GGA2: variants seen among roughly 807,000 people sequenced by gnomAD.
The protein encoded by GGA2 is ADP-ribosylation factor-binding protein GGA2.
Under a neutral mutation model 79.5 loss-of-function variants are expected in GGA2, and 48 were observed. That is an observed-to-expected ratio of 0.60 (90% CI 0.48 to 0.77). GGA2 has a LOEUF of 0.77. Ranked by LOEUF, GGA2 falls within the 30% of genes least tolerant of loss-of-function variation. GGA2 has a pLI of 0.00. For missense variants in GGA2, 770 were observed against 774.0 expected (o/e 0.99, Z 0.06); for synonymous variants, 317 against 302.0 (o/e 1.05, Z -0.51).
chr16:23,515,681 A>T lies in GGA2; in HGVS notation c.61+3906T>A, dbSNP rs76554326. 4.5e-3 allele frequency among the ~76,000 whole-genome samples: 686 copies of T among 152,158 alleles called. 6 individuals carry two copies. The highest frequency in any genetic ancestry group is 0.016 in the African/African-American group (669 of 41,488). On this transcript the variant is annotated intron_variant, in intron 2 of 5. Transcript: ENST00000569300. Reference sequence around the variant, plus strand: ...AACACACAGCTTAAGCTGAAATACCAATCTTCTGTCCTTGGTACTCCTGGA... The same window carrying T: ...AACACACAGCTTAAGCTGAAATACCTATCTTCTGTCCTTGGTACTCCTGGA...
intron 8 of GGA2, among the ~76,000 whole-genome samples, chr16:23,483,889 C>T (rs574034084): frequency 7.3e-5 from 11 of 151,020 alleles, no homozygotes; most frequent in South Asian, 6.3e-4. Flanking sequence ...TCAGGTCATC[C>T]GCCTGCCTCG....
intron 1 of GGA2, among the ~76,000 whole-genome samples, chr16:23,496,127 C>T (rs893715593): frequency 6.6e-6 from 1 of 151,508 alleles, no homozygotes; most frequent in African/African-American, 2.4e-5. Flanking sequence ...ATGATGAAAC[C>T]CCATCTCTAC....
chr16:23,490,814 A>G (rs1964773405), intron 5 of GGA2, among the ~76,000 whole-genome samples: 1 of 152,104 alleles, frequency 6.6e-6, no homozygotes. Flanking sequence ...ACTATAAAAT[A>G]TTTTATGTCT....
chr16:23,503,459 T>C (rs1596994925), intron 1 of GGA2, among the ~76,000 whole-genome samples: 1 of 152,178 alleles, frequency 6.6e-6, no homozygotes, highest in Non-Finnish European at 1.5e-5. Context: ...CTTAAATGTT[T>C]CCAAAATTAA....
rs771354194 is a variant in GGA2, at chr16:23,486,736, G to A, written c.634C>T (p.Arg212Trp). Residue 212 changes from arginine to tryptophan, a missense_variant, in exon 7 of 17, where the codon CGG becomes TGG. Coordinates refer to ENST00000309859, the MANE Select transcript of GGA2 (RefSeq NM_015044.4). ...NHPEDLQAAN[R>W]LIKNLVKEEQ... Reference sequence around the variant, plus strand: ...TCCTTGACCAAATTCTTGATTAACCGGTTTGCAGCCTGAAGGTCCTCGGGG... The same window carrying A: ...TCCTTGACCAAATTCTTGATTAACCAGTTTGCAGCCTGAAGGTCCTCGGGG... 18 of 1,610,060 alleles carry A rather than the reference G, an allele frequency of 1.1e-5. No individual in the cohort carries two copies. The highest frequency in any genetic ancestry group is 1.0e-4 in the Admixed American group (6 of 60,006).
At chr16:23,494,030 C>G (rs1250666776) in intron 3 of GGA2, 25 of 478,172 alleles carry the variant, frequency 5.2e-5, no homozygotes, top group Non-Finnish European at 8.7e-5. Flanking sequence ...CATGAACTTG[C>G]CAGCCCTGGT....
At chr16:23,476,275 T>C (rs781039681) in intron 13 of GGA2, among the ~76,000 whole-genome samples, 1 of 152,150 alleles carries the variant, frequency 6.6e-6, no homozygotes, top group Non-Finnish European at 1.5e-5. Context: ...GGGTGGCAAA[T>C]GGGAATGAAC....
At chr16:23,499,508 C>T (rs1181595724) in intron 1 of GGA2, among the ~76,000 whole-genome samples, 1 of 152,162 alleles carries the variant, frequency 6.6e-6, no homozygotes, top group Non-Finnish European at 1.5e-5. Context: ...AAACCCTTAA[C>T]CAAGGCCAAG....
intron 1 of GGA2, among the ~76,000 whole-genome samples, chr16:23,499,152 T>TA (rs1454942740): frequency 1.3e-5 from 2 of 150,918 alleles, no homozygotes; most frequent in Admixed American, 6.6e-5. Context: ...CACCTTTTTT[T>TA]TTTTTTTTTT....
At chr16:23,489,141 T>A (rs1964751543) in intron 5 of GGA2, among the ~76,000 whole-genome samples, 1 of 152,134 alleles carries the variant, frequency 6.6e-6, no homozygotes, top group South Asian at 2.1e-4. Context: ...TAAAAAGGAA[T>A]TCAGATTCCC....
intron 1 of GGA2, among the ~76,000 whole-genome samples, chr16:23,506,660 G>T (rs750685593): frequency 2.0e-5 from 3 of 152,122 alleles, no homozygotes; most frequent in South Asian, 4.1e-4. Context: ...GATGTCACTC[G>T]TGCAAAGGTT....
intron 8 of GGA2, among the ~76,000 whole-genome samples, chr16:23,483,796 C>T (rs768271562): frequency 4.6e-5 from 7 of 151,548 alleles, no homozygotes; most frequent in South Asian, 2.1e-4. Context: ...TACAGGCATG[C>T]GCCACCACGC....
intron 10 of GGA2, chr16:23,480,425 C>T: frequency 2.0e-6 from 1 of 495,898 alleles, no homozygotes; most frequent in East Asian, 3.1e-5. Flanking sequence ...TAGCCATCTG[C>T]TTTTGTGTGT....
At chr16:23,501,182 T>G in intron 1 of GGA2, 1 of 446,102 alleles carries the variant, frequency 2.2e-6, no homozygotes, top group Non-Finnish European at 4.5e-6. Context: ...ATTTCTGTAC[T>G]CTTTTTCAAG....
At chr16:23,486,283 G>C in intron 7 of GGA2, 131 bp from the exon 8 acceptor site, 1 of 759,900 alleles carries the variant, frequency 1.3e-6, no homozygotes. Context: ...GTGCATGGGA[G>C]AACTCACACA....
chr16:23,472,755 C>A (rs1964527052), intron 14 of GGA2, among the ~76,000 whole-genome samples: 1 of 151,446 alleles, frequency 6.6e-6, no homozygotes, highest in South Asian at 2.1e-4. Flanking sequence ...CTGAATAGGG[C>A]CGGGCGCAGT....
rs1035988338 is a variant in GGA2 at position 23,470,299 on chromosome 16, T to C, written c.1451-134A>G. 6.7e-6 allele frequency: 4 copies of C among 600,466 alleles called. No homozygotes were observed. In the African/African-American group the frequency reaches 7.6e-5, roughly 11 times the overall value. 37.2% of individuals were successfully genotyped at this position (600,466 alleles called of 1,614,324 possible). A position where few individuals can be genotyped will look rare whatever the true frequency, so the allele number is the denominator to read the frequency against. On this transcript the variant is annotated intron_variant, in intron 14 of 16. Coordinates refer to ENST00000309859, the MANE Select transcript of GGA2 (RefSeq NM_015044.4). ...CAGAACATGTCCAGGACTGAATTCCTCTGCACTACCATAATCCAAGTCCTC... is the reference window on the plus strand; with the variant it reads ...CAGAACATGTCCAGGACTGAATTCCCCTGCACTACCATAATCCAAGTCCTC...
chr16:23,486,837 G>A (rs1384637214), intron 6 of GGA2, 47 bp from the exon 7 acceptor site: 1 of 1,075,560 alleles, frequency 9.3e-7, no homozygotes, highest in Non-Finnish European at 1.5e-6. Flanking sequence ...AACTCCCTCA[G>A]GCCTAGAGCA....
chr16:23,480,904 T>C (rs1964639830), intron 9 of GGA2, 134 bp from the exon 10 acceptor site: 1 of 809,188 alleles, frequency 1.2e-6, no homozygotes, highest in African/African-American at 1.7e-5. Flanking sequence ...GCCTCCAGGT[T>C]GTGTCATCGG....
Sources: allele counts gnomAD v4.1 joint callset (sites outside exome capture counted in the v4.1 genomes callset), GRCh38; gene constraint gnomAD v4.1.1; transcripts MANE v1.5; gene names NCBI Gene and HGNC (gene_info 2026-07-23, HGNC 2026-07-21).